MRPL34: variants seen among roughly 807,000 people sequenced by gnomAD.
The protein encoded by MRPL34 is large ribosomal subunit protein bL34m.
A neutral mutation model predicts 6.7 loss-of-function variants in MRPL34; 8 were observed. That is an observed-to-expected ratio of 1.20 (90% confidence interval 0.70 to 2.16). MRPL34 has a LOEUF of 2.16. MRPL34 is among the 30% of genes most tolerant of loss of function. MRPL34 has a pLI of 0.00. For synonymous variants in MRPL34, 59 were observed against 55.1 expected (o/e 1.07, Z -0.31); for missense variants, 146 against 125.5 (o/e 1.16, Z -0.78).
chr19:17,300,857 C>T, upstream of MRPL34: 1 of 1,587,136 alleles, frequency 6.3e-7, no homozygotes. Flanking sequence ...TTCACTTACC[C>T]GTAGGAATGG....
chr19:17,305,597 C>T (rs2074141808), upstream of MRPL34: 2 of 443,324 alleles, frequency 4.5e-6, no homozygotes, highest in East Asian at 4.9e-5. Flanking sequence ...GAGAGAACTA[C>T]AGCTCAGCTG....
intron 1 of MRPL34, chr19:17,294,253 T>C: frequency 6.3e-7 from 1 of 1,584,148 alleles, no homozygotes; most frequent in Non-Finnish European, 8.5e-7. Flanking sequence ...ACCCTGGGGA[T>C]TTGTAGCTGT....
At chr19:17,294,251 G>A (rs2074083400) in intron 1 of MRPL34, 10 of 1,585,272 alleles carry the variant, frequency 6.3e-6, no homozygotes, top group Non-Finnish European at 8.5e-6. Context: ...GCACCCTGGG[G>A]ATTTGTAGCT....
chr19:17,306,073 C>T (rs2074145811), intron 1 of MRPL34, 93 bp from the exon 2 acceptor site: 4 of 1,524,234 alleles, frequency 2.6e-6, no homozygotes, highest in South Asian at 1.2e-5. Flanking sequence ...TGCAGCCAGG[C>T]TCTGTCTCCG....
At chr19:17,305,548 G>A (rs11668755), upstream of MRPL34, 104,710 of 285,470 alleles carry the variant, frequency 0.37, 20,321 homozygotes, top group Non-Finnish European at 0.41. Flanking sequence ...CACCAGCTGC[G>A]CCCGGCCACC....
upstream of MRPL34, chr19:17,297,904 A>ATTTTTT (rs1424172538): frequency 7.7e-6 from 1 of 129,384 alleles, no homozygotes; most frequent in Non-Finnish European, 1.6e-5. Flanking sequence ...CCACTTATTT[A>ATTTTTT]TTTTTCTTTT....
chr19:17,299,288 G>A (rs964229806), upstream of MRPL34, among the ~76,000 whole-genome samples: 1 of 148,266 alleles, frequency 6.7e-6, no homozygotes, highest in African/African-American at 2.5e-5. Context: ...TTGGCCTGGT[G>A]CGTTGGCTCA....
upstream of MRPL34, among the ~76,000 whole-genome samples, chr19:17,300,360 C>T (rs1381902055): frequency 6.6e-6 from 1 of 152,074 alleles, no homozygotes; most frequent in African/African-American, 2.4e-5. Flanking sequence ...TGCACCTCCT[C>T]ACCTAGCTAA....
At chr19:17,296,977 G>A (rs2074096679) in intron 1 of MRPL34, among the ~76,000 whole-genome samples, 1 of 152,180 alleles carries the variant, frequency 6.6e-6, no homozygotes, top group Non-Finnish European at 1.5e-5. Flanking sequence ...TTAGAGGCGT[G>A]AGCCACCGTG....
In MRPL34 at chr19:17,306,126, G is replaced by A; in HGVS notation, c.66-40G>A. On this transcript the variant is annotated intron_variant, in intron 1 of 1. Coordinates refer to ENST00000252602, the MANE Select transcript of MRPL34 (RefSeq NM_023937.4). The stretch of plus-strand genomic sequence containing the variant: ...AGGTTGAGCGCCAAGGTCACCCAGC[G>A]CCCCGTCTGACCTTTCTCGCCGTCC... 6 of 1,498,030 alleles carry A rather than the reference G, an allele frequency of 4.0e-6. No individual in the cohort carries two copies. The Admixed American group carries it at 1.4e-4, about 34-fold the overall frequency. The allele number at this position is 1,498,030 out of a possible 1,614,324, so 92.8% of individuals were successfully genotyped here. A position where few individuals can be genotyped will look rare whatever the true frequency, so the allele number is the denominator to read the frequency against.
At chr19:17,303,804 G>A (rs1181742589), upstream of MRPL34, among the ~76,000 whole-genome samples, 1 of 152,164 alleles carries the variant, frequency 6.6e-6, no homozygotes, top group African/African-American at 2.4e-5. Context: ...CATTCTAGAA[G>A]CAGAGACTCC....
chr19:17,304,009 A>G (rs1599527799), upstream of MRPL34, among the ~76,000 whole-genome samples: 2 of 141,558 alleles, frequency 1.4e-5, no homozygotes, highest in South Asian at 4.4e-4. Context: ...TATCTTGCCC[A>G]GACTGGTCTC....
Position 17,305,887 on chromosome 19 carries a change from G to A in MRPL34, c.-6G>A. The A allele has an allele frequency of 6.2e-7, 1 of 1,614,086 alleles. No homozygotes were observed. The highest frequency in any genetic ancestry group is 8.5e-7 in the Non-Finnish European group (1 of 1,179,988). On this transcript the variant is annotated 5_prime_UTR_variant, in exon 1 of 2. Coordinates refer to ENST00000252602, the MANE Select transcript of MRPL34 (RefSeq NM_023937.4). ...CGCAGCCGGTACTGCGGGACCCACT[G>A]CGGATATGGCTGTCTTGGCTGGATC... is the stretch of plus-strand genomic sequence containing the variant.
chr19:17,301,019 G>A (rs371098180), upstream of MRPL34: 15 of 1,613,484 alleles, frequency 9.3e-6, no homozygotes, highest in South Asian at 1.3e-4. Flanking sequence ...TAGCCTAGGC[G>A]CACAAAGAAG....
upstream of MRPL34, among the ~76,000 whole-genome samples, chr19:17,300,040 G>T (rs557022889): frequency 6.6e-6 from 1 of 151,276 alleles, no homozygotes; most frequent in African/African-American, 2.4e-5. Context: ...GAGTAGCTGG[G>T]ACTATAGGTG....
At chr19:17,302,832 G>C (rs1033373717), upstream of MRPL34, 2 of 152,228 alleles carry the variant, frequency 1.3e-5, no homozygotes, top group African/African-American at 4.8e-5. Context: ...ATAACCTAAG[G>C]GGGGGATACC....
rs113679687 is a variant in MRPL34, at chr19:17,306,547, G to A, written c.*168G>A. On this transcript the variant is annotated 3_prime_UTR_variant, in exon 2 of 2. Transcript: ENST00000252602. ...GGGAGCTTGCCAAGTCCCTTTTTAG[G>A]CTTTTTAATTAGGAAGCATTTCGAA... 1.9e-5 allele frequency: 12 copies of A among 618,788 alleles called. No individual in the cohort carries two copies. Among genetic ancestry groups the A allele is most frequent in the African/African-American group, 1.9e-4 (10 of 53,328 alleles). The allele number at this position is 618,788 out of a possible 1,614,324, so 38.3% of individuals were successfully genotyped here. A position where few individuals can be genotyped will look rare whatever the true frequency, so the allele number is the denominator to read the frequency against.
chr19:17,302,349 A>G (rs536619133), upstream of MRPL34: 3 of 143,436 alleles, frequency 2.1e-5, no homozygotes, highest in East Asian at 5.8e-4. Flanking sequence ...ACACTAACTC[A>G]TCCATTCAGG....
intron 1 of MRPL34, chr19:17,292,858 G>A (rs745467606): frequency 1.9e-5 from 30 of 1,601,708 alleles, no homozygotes; most frequent in Non-Finnish European, 2.4e-5. Context: ...GCTCAAGGTA[G>A]GCGGGGGCAA....
Sources: gnomAD v4.1 joint callset for allele counts (sites outside exome capture counted in the v4.1 genomes callset) on GRCh38, gnomAD v4.1.1 for gene constraint, MANE v1.5 for transcripts, NCBI Gene and HGNC (gene_info 2026-07-23, HGNC 2026-07-21) for gene names.